The following RBP7 variants were observed in gnomAD, a reference collection of about 807,000 sequenced individuals.
The protein encoded by RBP7 is retinol binding protein 7.
RBP7 carries 13 observed loss-of-function variants against 16.7 expected under a neutral mutation model. That is an observed-to-expected ratio of 0.78 (90% CI 0.51 to 1.24). The LOEUF is 1.24. Ranked by LOEUF, RBP7 falls within the 50% of genes most tolerant of loss-of-function variation. The pLI is 0.00. For missense variants in RBP7, 145 were observed against 159.5 expected, an observed-to-expected ratio of 0.91 and a Z score of 0.49; for synonymous variants, 54 against 56.2, an observed-to-expected ratio of 0.96 and a Z score of 0.17.
chr1:9,998,400 T>C (rs1219445776), intron 1 of RBP7, among the ~76,000 whole-genome samples: 2 of 120,806 alleles, frequency 1.7e-5, no homozygotes, highest in Non-Finnish European at 3.2e-5. Flanking sequence ...TCTTTCTTTC[T>C]TTCTTTCTTT....
Position 10,009,138 on chromosome 1 carries a change from G to A in RBP7, c.354+864G>A, listed in dbSNP as rs1048613030. On this transcript the variant is annotated intron_variant, in intron 3 of 3. Transcript: ENST00000294435. ...TTAAAAGGGTTTATTCAGACTGGGCGAGGTGGCTCACGCCTGTAATCCCAG... is the reference window on the plus strand; with the variant it reads ...TTAAAAGGGTTTATTCAGACTGGGCAAGGTGGCTCACGCCTGTAATCCCAG... Among the ~76,000 whole-genome samples the A allele has an allele frequency of 9.2e-5, 14 of 152,114 alleles. 1 individual carries two copies. Among genetic ancestry groups the A allele is most frequent in the South Asian group, 4.1e-4 (2 of 4,824 alleles).
chr1:10,005,497 T>C (rs751410048), intron 1 of RBP7, among the ~76,000 whole-genome samples: 3 of 152,036 alleles, frequency 2.0e-5, no homozygotes, highest in Non-Finnish European at 4.4e-5. Flanking sequence ...CCACTGTGCC[T>C]GGCTACAAAA....
chr1:10,007,772 T>C (rs953063685), intron 2 of RBP7, 24 bp downstream of exon 2: 14 of 1,606,536 alleles, frequency 8.7e-6, no homozygotes, highest in African/African-American at 1.3e-5. Context: ...AAATGCCAGG[T>C]GCGGTGGATT....
intron 1 of RBP7, chr1:10,004,065 A>ATTTTTTTTTTTTTTTTTTTTTTTTT (rs56955055): frequency 1.2e-5 from 1 of 83,144 alleles, no homozygotes; most frequent in Non-Finnish European, 2.3e-5. Context: ...CTGCCTCACA[A>ATTTTTTTTTTTTTTTTTTTTTTTTT]TTTTTTTTTT....
At position 10,008,509 on chromosome 1, in the gene RBP7, C is replaced by T. The variant is rs575509337; in HGVS notation, c.354+235C>T. Among the ~76,000 whole-genome samples, 11 of 149,486 alleles carry T rather than the reference C, an allele frequency of 7.4e-5. 1 individual carries two copies. The highest frequency in any genetic ancestry group is 2.7e-4 in the African/African-American group (11 of 40,250). On this transcript the variant is annotated intron_variant, in intron 3 of 3. Transcript: ENST00000294435. ...AGGCTGGAGTGCAGTGGCGCGATCTCGGCTCACTGCAACCTCCACCTCCTG... is the reference window on the plus strand; with the variant it reads ...AGGCTGGAGTGCAGTGGCGCGATCTTGGCTCACTGCAACCTCCACCTCCTG...
At chr1:10,014,527 C>T (rs1233356855) in intron 3 of RBP7, among the ~76,000 whole-genome samples, 1 of 151,866 alleles carries the variant, frequency 6.6e-6, no homozygotes, top group Non-Finnish European at 1.5e-5. Context: ...GGTGGGATTA[C>T]AGGCATGCAC....
At chr1:9,999,161 C>A (rs1642224579) in intron 1 of RBP7, among the ~76,000 whole-genome samples, 1 of 152,164 alleles carries the variant, frequency 6.6e-6, no homozygotes, top group Non-Finnish European at 1.5e-5. Context: ...TTGCCTGCCA[C>A]CATGTAAGAC....
intron 3 of RBP7, among the ~76,000 whole-genome samples, chr1:10,015,448 C>CAAAA (rs372218937): frequency 2.1e-5 from 2 of 94,758 alleles, no homozygotes; most frequent in African/African-American, 3.3e-5. Flanking sequence ...GACTCCATCT[C>CAAAA]AAAAAAAAAA....
rs78852239 is a variant in RBP7, at chr1:10,015,161, G to A, written c.355-621G>A. On this transcript the variant is annotated intron_variant, in intron 3 of 3. Transcript: ENST00000294435. ...CTAGGAGTTCAAGACCAGCCTAGGG[G>A]TCAGGCGCAGTAGCTCATGCTTGTA... is the stretch of plus-strand genomic sequence containing the variant. 7.4e-3 allele frequency among the ~76,000 whole-genome samples: 1,125 copies of A among 152,086 alleles called. 96 individuals carry two copies. In the East Asian group the frequency reaches 0.17, roughly 24 times the overall value.
chr1:10,009,821 T>G lies in RBP7; in HGVS notation c.354+1547T>G, dbSNP rs367989310. Among the ~76,000 whole-genome samples, 24 of 152,220 alleles carry G rather than the reference T, an allele frequency of 1.6e-4. No homozygotes were observed. The East Asian group carries it at 1.9e-3, about 12-fold the overall frequency. On this transcript the variant is annotated intron_variant, in intron 3 of 3. Transcript: ENST00000294435. ...TGTTGGGATTACAGGCGTGGCCGCT[T>G]GTAATAAAAATTTAATTTCTTGGAA...
Position 9,997,328 on chromosome 1 carries a change from C to T in RBP7, c.70C>T (p.Leu24=). 11 of 1,610,802 alleles carry T rather than the reference C, an allele frequency of 6.8e-6. No homozygotes were observed. The highest frequency in any genetic ancestry group is 9.3e-6 in the Non-Finnish European group (11 of 1,178,918). ...CAACTTCGAGGGCTACATGCTGGCC[C>T]TAGGTAAGGCGGAGGGGAGGCGGCG... is the stretch of plus-strand genomic sequence containing the variant. ...SDNFEGYMLA[L]GIDFATRKIA... is the part of the protein sequence containing the mutation. The change falls in exon 1 of 4, where the codon CTA becomes TTA. Residue 24 remains leucine, a synonymous_variant. Coordinates refer to ENST00000294435, the MANE Select transcript of RBP7 (RefSeq NM_052960.3). The surrounding 1 kb of genome is among the most constrained non-coding windows in gnomAD (Gnocchi z 5.9).
At chr1:10,004,749 A>G (rs553050754) in intron 1 of RBP7, among the ~76,000 whole-genome samples, 8 of 152,312 alleles carry the variant, frequency 5.3e-5, no homozygotes, top group Non-Finnish European at 2.9e-5. Flanking sequence ...GTTTAAGGAA[A>G]GTCAGCAGTA....
At position 9,997,277 on chromosome 1, in the gene RBP7, G is replaced by T. The variant is rs545971070; in HGVS notation, c.19G>T (p.Gly7Cys). ...CCCGACCATGCCCGCCGACCTCAGCGGTACTTGGACCCTGCTCAGCAGCGA... is the reference window on the plus strand; with the variant it reads ...CCCGACCATGCCCGCCGACCTCAGCTGTACTTGGACCCTGCTCAGCAGCGA... The part of the protein sequence containing the change: MPADLS[G>C]TWTLLSSDNF... Residue 7 changes from glycine to cysteine, a missense_variant, in exon 1 of 4, where the codon GGT becomes TGT. Gly to Cys is a radical substitution (Grantham distance 159, BLOSUM62 -3). Transcript: ENST00000294435. This position sits in a 1 kb window ranked among gnomAD's most constrained non-coding sequence, Gnocchi z 5.9. 6.3e-7 allele frequency: 1 copy of T among 1,596,464 alleles called. No individual in the cohort carries two copies. The highest frequency in any genetic ancestry group is 8.5e-7 in the Non-Finnish European group (1 of 1,169,840).
chr1:10,001,455 A>C (rs1259800145), intron 1 of RBP7, among the ~76,000 whole-genome samples: 3 of 151,974 alleles, frequency 2.0e-5, no homozygotes, highest in Admixed American at 6.6e-5. Flanking sequence ...ACAGGTGCAT[A>C]CCACCACACT....
intron 1 of RBP7, among the ~76,000 whole-genome samples, chr1:9,999,372 C>A (rs1215868866): frequency 6.6e-6 from 1 of 151,826 alleles, no homozygotes; most frequent in African/African-American, 2.4e-5. Context: ...CATGGTGAAA[C>A]CCCGTCTCAA....
At position 9,997,640 on chromosome 1, in the gene RBP7, C is replaced by A. The variant is rs1487715383; in HGVS notation, c.73+309C>A. ...CCCCACCCGTCCGTCCCTGAGTGCC[C>A]GCGTCCAGCCCCACGTCCGTCTCTA... On this transcript the variant is annotated intron_variant, in intron 1 of 3. Coordinates refer to ENST00000294435, the MANE Select transcript of RBP7 (RefSeq NM_052960.3). This position sits in a 1 kb window ranked among gnomAD's most constrained non-coding sequence, Gnocchi z 5.9. Among the ~76,000 whole-genome samples, 1 of 151,890 alleles carries A rather than the reference C, an allele frequency of 6.6e-6. No individual in the cohort carries two copies. The highest frequency in any genetic ancestry group is 1.5e-5 in the Non-Finnish European group (1 of 67,920).
chr1:10,015,782 G>C lies in RBP7; in HGVS notation c.355G>C (p.Glu119Gln), dbSNP rs928440289. The C allele has an allele frequency of 2.5e-6, 4 of 1,613,992 alleles. No individual in the cohort carries two copies. Among genetic ancestry groups the C allele is most frequent in the Non-Finnish European group, 3.4e-6 (4 of 1,179,886 alleles). Reference protein sequence around the residue: ...HWIEGDKLHLEMFCEGQVCKQ... With the variant: ...HWIEGDKLHLQMFCEGQVCKQ... The stretch of plus-strand genomic sequence containing the variant: ...TTTTCCCTTCCTCCTTACGCCCTAG[G>C]AAATGTTCTGTGAAGGTCAAGTGTG... Residue 119 changes from glutamate (E) to glutamine (Q), a missense_variant and splice_region_variant, in exon 4 of 4, where the codon GAA becomes CAA. Coordinates refer to ENST00000294435, the MANE Select transcript of RBP7 (RefSeq NM_052960.3).
chr1:10,013,932 C>T (rs1228089799), intron 3 of RBP7, among the ~76,000 whole-genome samples: 1 of 151,970 alleles, frequency 6.6e-6, no homozygotes, highest in East Asian at 1.9e-4. Flanking sequence ...GCCATGACTG[C>T]ACCACTGCAT....
intron 1 of RBP7, among the ~76,000 whole-genome samples, chr1:9,999,994 C>CTGAG (rs1350182623): frequency 6.6e-6 from 1 of 151,968 alleles, no homozygotes; most frequent in Admixed American, 6.6e-5. Flanking sequence ...CTTTGGGATG[C>CTGAG]TGAGGCAGGT....
Sources: allele counts gnomAD v4.1 joint callset (sites outside exome capture counted in the v4.1 genomes callset), GRCh38; gene constraint gnomAD v4.1.1; non-coding constraint Gnocchi (gnomAD v3.1); transcripts MANE v1.5; gene names NCBI Gene and HGNC (gene_info 2026-07-23, HGNC 2026-07-21).